UBE2D2: variants seen among roughly 807,000 people sequenced by gnomAD.
The protein encoded by UBE2D2 is ubiquitin-conjugating enzyme E2 D2.
UBE2D2 carries 2 observed loss-of-function variants against 24.2 expected under a neutral mutation model. The ratio of observed to expected loss-of-function variants is 0.08; its 90% CI spans 0.03 to 0.26. The LOEUF is 0.26. Among genes scored for constraint, UBE2D2 ranks in the 10% least tolerant of loss-of-function variants. UBE2D2 has a pLI of 1.00. For missense variants in UBE2D2, 44 were observed against 177.6 expected, an observed-to-expected ratio of 0.25 and a Z score of 4.28; for synonymous variants, 58 against 56.5, an observed-to-expected ratio of 1.03 and a Z score of -0.12.
intron 1 of UBE2D2, among the ~76,000 whole-genome samples, chr5:139,548,646 G>C (rs572210340): frequency 3.9e-5 from 6 of 151,960 alleles, no homozygotes; most frequent in African/African-American, 1.4e-4. Context: ...AATATTTATC[G>C]AGCATTTCCT....
chr5:139,537,322 GTGAT>G (rs1432536153), intron 1 of UBE2D2, among the ~76,000 whole-genome samples: 2 of 151,804 alleles, frequency 1.3e-5, no homozygotes, highest in African/African-American at 4.8e-5. Flanking sequence ...TTCATACATT[GTGAT>G]TGATTGTTAT....
In UBE2D2 at chr5:139,564,389, G is replaced by A. The variant is rs904857205; in HGVS notation, c.24+2574G>A. ...GGCTGATTTCTAGTTCCTGACCTCC[G>A]GTGATCCACCTGCCTCAGCCTCCCA... is the stretch of plus-strand genomic sequence containing the variant. On this transcript the variant is annotated intron_variant, in intron 1 of 6. Transcript: ENST00000398733. Among the ~76,000 whole-genome samples the A allele has an allele frequency of 5.3e-5, 8 of 150,484 alleles. No homozygotes were observed. The East Asian group carries it at 9.9e-4, about 19-fold the overall frequency.
At chr5:139,589,703 G>C (rs745680609) in intron 1 of UBE2D2, among the ~76,000 whole-genome samples, 4 of 152,280 alleles carry the variant, frequency 2.6e-5, no homozygotes, top group South Asian at 4.1e-4. Flanking sequence ...TCAATAAATA[G>C]CAAAATTAAA....
chr5:139,569,155 A>G (rs780841730), intron 1 of UBE2D2, among the ~76,000 whole-genome samples: 4 of 152,168 alleles, frequency 2.6e-5, no homozygotes, highest in African/African-American at 4.8e-5. Flanking sequence ...GGATAGTTCT[A>G]TCTTGGATAC....
At chr5:139,536,059 A>G (rs1261615073) in intron 1 of UBE2D2, among the ~76,000 whole-genome samples, 1 of 150,730 alleles carries the variant, frequency 6.6e-6, no homozygotes, top group Non-Finnish European at 1.5e-5. Context: ...CACCCGGCTA[A>G]GTTTTGTATT....
intron 1 of UBE2D2, among the ~76,000 whole-genome samples, chr5:139,535,452 A>AAAAAAAC (rs1262969843): frequency 1.1e-4 from 17 of 150,212 alleles, no homozygotes; most frequent in Non-Finnish European, 2.5e-4. Context: ...TCCGTCTCAA[A>AAAAAAAC]AAAAAACAAA....
At chr5:139,529,849 A>C (rs1452524967) in intron 1 of UBE2D2, among the ~76,000 whole-genome samples, 1 of 152,288 alleles carries the variant, frequency 6.6e-6, no homozygotes, top group African/African-American at 2.4e-5. Context: ...TGTTTTTTCC[A>C]TTAGCCGAAC....
chr5:139,575,962 G>A (rs931685646), intron 1 of UBE2D2, among the ~76,000 whole-genome samples: 2 of 152,158 alleles, frequency 1.3e-5, no homozygotes, highest in Non-Finnish European at 1.5e-5. Flanking sequence ...GTTCAAGGCG[G>A]CAGTGAGCTA....
At chr5:139,568,867 A>G (rs1438238201) in intron 1 of UBE2D2, among the ~76,000 whole-genome samples, 5 of 152,000 alleles carry the variant, frequency 3.3e-5, no homozygotes, top group African/African-American at 7.2e-5. Flanking sequence ...GTTACTGGGG[A>G]GGCTAAGGCA....
At chr5:139,575,520 A>C (rs138244904) in intron 1 of UBE2D2, among the ~76,000 whole-genome samples, 1 of 152,358 alleles carries the variant, frequency 6.6e-6, no homozygotes, top group Non-Finnish European at 1.5e-5. Flanking sequence ...AGTATTCTTC[A>C]GCAAACTTCA....
intron 1 of UBE2D2, among the ~76,000 whole-genome samples, chr5:139,551,712 C>G (rs1291800214): frequency 1.3e-5 from 2 of 152,220 alleles, no homozygotes; most frequent in East Asian, 3.8e-4. Flanking sequence ...AGACAGTTGT[C>G]TAACAATCAC....
intron 1 of UBE2D2, among the ~76,000 whole-genome samples, chr5:139,581,852 A>G (rs1402323371): frequency 3.3e-5 from 5 of 152,064 alleles, no homozygotes. Context: ...TATTTTTAGT[A>G]GAGACGGAGT....
chr5:139,550,993 A>G (rs1752913410), intron 1 of UBE2D2, among the ~76,000 whole-genome samples: 1 of 152,134 alleles, frequency 6.6e-6, no homozygotes, highest in Non-Finnish European at 1.5e-5. Flanking sequence ...TCTCAGCACC[A>G]CTGACCTTGG....
chr5:139,564,442 C>T (rs996773467), intron 1 of UBE2D2, among the ~76,000 whole-genome samples: 2 of 150,278 alleles, frequency 1.3e-5, no homozygotes, highest in African/African-American at 2.5e-5. Context: ...GCGTGAGCTA[C>T]CGTGCCCGGC....
chr5:139,588,735 A>G (rs975786949), intron 1 of UBE2D2, among the ~76,000 whole-genome samples: 2 of 152,184 alleles, frequency 1.3e-5, no homozygotes, highest in African/African-American at 4.8e-5. Context: ...ATTGTCACAC[A>G]GATCGTATTT....
intron 5 of UBE2D2, among the ~76,000 whole-genome samples, chr5:139,615,705 G>A (rs1754407694): frequency 6.6e-6 from 1 of 151,764 alleles, no homozygotes; most frequent in Admixed American, 6.6e-5. Flanking sequence ...ACCAGCTCTT[G>A]TCTTTAGGTT....
intron 1 of UBE2D2, among the ~76,000 whole-genome samples, chr5:139,547,097 T>G (rs1305612949): frequency 6.6e-6 from 1 of 151,680 alleles, no homozygotes; most frequent in Non-Finnish European, 1.5e-5. Flanking sequence ...AAGACCATCC[T>G]GGCTAACACG....
chr5:139,535,315 G>T (rs538928067), intron 1 of UBE2D2, among the ~76,000 whole-genome samples: 1 of 150,112 alleles, frequency 6.7e-6, no homozygotes, highest in South Asian at 2.1e-4. Flanking sequence ...AAAGAGACTT[G>T]CATGGTGGCG....
intron 2 of UBE2D2, among the ~76,000 whole-genome samples, chr5:139,600,784 A>T (rs1270507699): frequency 6.6e-6 from 1 of 152,068 alleles, no homozygotes. Flanking sequence ...ACTGACTCAT[A>T]CTTGCGAAAT....
Sources: gnomAD v4.1 joint callset for allele counts (sites outside exome capture counted in the v4.1 genomes callset) on GRCh38, gnomAD v4.1.1 for gene constraint, MANE v1.5 for transcripts, NCBI Gene and HGNC (gene_info 2026-07-23, HGNC 2026-07-21) for gene names.